The following DSCAM variants were observed in gnomAD, a reference collection of about 807,000 sequenced individuals.
DSCAM encodes cell adhesion molecule DSCAM.
DSCAM carries 47 observed loss-of-function variants against 217.7 expected under a neutral mutation model. The ratio of observed to expected loss-of-function variants is 0.22; its 90% CI spans 0.17 to 0.28. DSCAM has a LOEUF of 0.28. Ranked by LOEUF, DSCAM falls within the 10% of genes least tolerant of loss-of-function variation. DSCAM has a pLI of 1.00. For missense variants in DSCAM, 2,080 were observed against 2,618.3 expected (o/e 0.79, Z 4.49); for synonymous variants, 1,056 against 1,015.3 (o/e 1.04, Z -0.76).
chr21:40,592,330 T>C (rs2076989953), intron 3 of DSCAM, among the ~76,000 whole-genome samples: 1 of 152,198 alleles, frequency 6.6e-6, no homozygotes, highest in African/African-American at 2.4e-5. Flanking sequence ...TCAATATCTA[T>C]CAAATATCAC....
At chr21:40,719,913 A>G (rs1440446884) in intron 1 of DSCAM, among the ~76,000 whole-genome samples, 1 of 152,200 alleles carries the variant, frequency 6.6e-6, no homozygotes, top group Non-Finnish European at 1.5e-5. Flanking sequence ...CATGTATGTA[A>G]CATTTCAATT....
At chr21:40,756,774 C>T (rs2091280075) in intron 1 of DSCAM, among the ~76,000 whole-genome samples, 1 of 152,144 alleles carries the variant, frequency 6.6e-6, no homozygotes, top group African/African-American at 2.4e-5. Flanking sequence ...TATCCTACAA[C>T]TCACAGCCAT....
At chr21:40,200,135 A>T (rs1040315829) in intron 11 of DSCAM, among the ~76,000 whole-genome samples, 3 of 151,592 alleles carry the variant, frequency 2.0e-5, no homozygotes, top group Non-Finnish European at 4.4e-5. Flanking sequence ...GAAGCCCCTC[A>T]TTCTGGGGCC....
chr21:40,662,922 A>G (rs1188145597), intron 3 of DSCAM, among the ~76,000 whole-genome samples: 1 of 152,188 alleles, frequency 6.6e-6, no homozygotes, highest in African/African-American at 2.4e-5. Context: ...GGTAGGAAGT[A>G]AATGGGAAAC....
At chr21:40,742,096 C>A (rs759554462) in intron 1 of DSCAM, among the ~76,000 whole-genome samples, 1 of 152,126 alleles carries the variant, frequency 6.6e-6, no homozygotes, top group Admixed American at 6.5e-5. Context: ...CAGTCACATG[C>A]GACATCTGAG....
chr21:40,107,051 A>G (rs1489572039), intron 20 of DSCAM, among the ~76,000 whole-genome samples: 1 of 151,906 alleles, frequency 6.6e-6, no homozygotes, highest in Non-Finnish European at 1.5e-5. Context: ...TAGTTCTTCT[A>G]GCTGTGATGT....
chr21:40,139,625 G>C (rs930942041), intron 18 of DSCAM, among the ~76,000 whole-genome samples: 4 of 151,918 alleles, frequency 2.6e-5, no homozygotes, highest in African/African-American at 9.7e-5. Flanking sequence ...GGGCCAAAAA[G>C]ATATTTTCCT....
At chr21:40,182,709 T>C (rs867430813) in intron 14 of DSCAM, among the ~76,000 whole-genome samples, 21 of 57,940 alleles carry the variant, frequency 3.6e-4, no homozygotes, top group African/African-American at 6.9e-4. Context: ...GGGGGGGGGT[T>C]ACCAGAGAAA....
At chr21:40,830,370 T>C (rs2092002787) in intron 1 of DSCAM, among the ~76,000 whole-genome samples, 1 of 152,144 alleles carries the variant, frequency 6.6e-6, no homozygotes, top group African/African-American at 2.4e-5. Context: ...TCCCTCCTAA[T>C]GGATGGCGCC....
At chr21:40,045,323 C>T (rs1267522746) in intron 30 of DSCAM, among the ~76,000 whole-genome samples, 1 of 152,178 alleles carries the variant, frequency 6.6e-6, no homozygotes, top group Admixed American at 6.5e-5. Flanking sequence ...AAGGCCTTGC[C>T]TATGATAGCA....
chr21:40,234,032 A>G (rs1351668998), intron 11 of DSCAM, among the ~76,000 whole-genome samples: 2 of 152,208 alleles, frequency 1.3e-5, no homozygotes, highest in Non-Finnish European at 2.9e-5. Context: ...CTTCTTAACC[A>G]GAAGGCCCAT....
intron 18 of DSCAM, among the ~76,000 whole-genome samples, chr21:40,135,968 C>T (rs533342895): frequency 1.3e-5 from 2 of 152,280 alleles, no homozygotes; most frequent in African/African-American, 4.8e-5. Context: ...AGTCCAGGCC[C>T]CAGTGGGAGC....
At chr21:40,577,691 A>G (rs1317465267) in intron 3 of DSCAM, among the ~76,000 whole-genome samples, 3 of 152,178 alleles carry the variant, frequency 2.0e-5, no homozygotes, top group Non-Finnish European at 4.4e-5. Context: ...ACTTTGGTTT[A>G]GAAAGGGGAG....
At chr21:40,633,889 T>C (rs767224194) in intron 3 of DSCAM, among the ~76,000 whole-genome samples, 1 of 152,134 alleles carries the variant, frequency 6.6e-6, no homozygotes, top group Non-Finnish European at 1.5e-5. Flanking sequence ...TCCTATTAGA[T>C]TGGGAAGCCT....
intron 21 of DSCAM, among the ~76,000 whole-genome samples, chr21:40,091,159 A>AT (rs138504543): frequency 0.021 from 3,145 of 152,170 alleles, 96 homozygotes; most frequent in African/African-American, 0.071. Context: ...TATCATCACA[A>AT]TTTTTCTGTA....
chr21:40,470,502 G>T (rs1346557817), intron 3 of DSCAM, among the ~76,000 whole-genome samples: 2 of 152,212 alleles, frequency 1.3e-5, no homozygotes, highest in Non-Finnish European at 2.9e-5. Flanking sequence ...CAACTGAACA[G>T]CATTTTGAGC....
At chr21:40,188,073 T>C in intron 12 of DSCAM, 86 bp from the exon 13 acceptor site, 1 of 955,498 alleles carries the variant, frequency 1.0e-6, no homozygotes. Context: ...ACTCTTTCAG[T>C]TCTCCTGCCA....
intron 3 of DSCAM, among the ~76,000 whole-genome samples, chr21:40,411,141 A>AC (rs1405611133): frequency 6.6e-6 from 1 of 150,874 alleles, no homozygotes. Flanking sequence ...ATGTGACCAG[A>AC]CTCAATATTA....
intron 3 of DSCAM, among the ~76,000 whole-genome samples, chr21:40,392,847 C>T (rs1296540696): frequency 2.0e-5 from 3 of 152,176 alleles, no homozygotes; most frequent in Admixed American, 1.3e-4. Context: ...CACAGCTTGG[C>T]CAGAGCTCCT....
Sources: allele counts gnomAD v4.1 joint callset (sites outside exome capture counted in the v4.1 genomes callset), GRCh38; gene constraint gnomAD v4.1.1; transcripts MANE v1.5; gene names NCBI Gene and HGNC (gene_info 2026-07-23, HGNC 2026-07-21).